The following IFT172 variants were observed in gnomAD, a reference collection of about 807,000 sequenced individuals.
IFT172 encodes the protein intraflagellar transport 172, also known as intraflagellar transport protein 172 homolog.
A neutral mutation model predicts 248.9 loss-of-function variants in IFT172; 164 were observed. That is an observed-to-expected ratio of 0.66 (90% CI 0.58 to 0.75). The LOEUF is 0.75. Ranked by LOEUF, IFT172 falls within the 30% of genes least tolerant of loss-of-function variation. The pLI is 0.00. For missense variants in IFT172, 1,950 were observed against 2,192.4 expected (o/e 0.89, Z 2.21); for synonymous variants, 729 against 791.6 (o/e 0.92, Z 1.33).
At chr2:27,453,838 C>G in intron 33 of IFT172, 99 bp from the exon 34 acceptor site, 1 of 1,372,512 alleles carries the variant, frequency 7.3e-7, no homozygotes, top group Non-Finnish European at 1.0e-6. Context: ...GTCCTTGGAC[C>G]TCTCTTCTCC....
chr2:27,447,787 C>G (rs375105942), intron 41 of IFT172, 25 bp downstream of exon 41: 4 of 1,589,918 alleles, frequency 2.5e-6, no homozygotes, highest in African/African-American at 2.7e-5. Flanking sequence ...CAAGGACAGA[C>G]GGAGCAGCCC....
rs1279331887 is a variant in IFT172 at position 27,445,972 on chromosome 2, T to C, written c.4772A>G (p.Asn1591Ser). Residue 1591 changes from asparagine to serine, a missense_variant, in exon 44 of 48, where the codon AAC (asparagine) becomes AGC (serine). Transcript: ENST00000260570. This position sits in a 1 kb window ranked among gnomAD's most constrained non-coding sequence, Gnocchi z 4.4. ...GIAAKAVGWD[N>S]MAFIFLNRFL... is the part of the protein sequence containing the mutation. ...GCGATTGAGGAAGATGAATGCCATG[T>C]TATCCCAGCCAACTGCCTGCAGCAA... 6.2e-7 allele frequency: 1 copy of C among 1,614,118 alleles called. No homozygotes were observed. The highest frequency in any genetic ancestry group is 1.3e-5 in the African/African-American group (1 of 74,940).
In IFT172 at chr2:27,447,830, T is replaced by A. The variant is rs1244568496; in HGVS notation, c.4521A>T (p.Arg1507=). 1 of 1,613,134 alleles carries A rather than the reference T, an allele frequency of 6.2e-7. No individual in the cohort carries two copies. Among genetic ancestry groups the A allele is most frequent in the Non-Finnish European group, 8.5e-7 (1 of 1,179,060 alleles). Residue 1507 remains arginine (R), a synonymous_variant, in exon 41 of 48, where the codon CGA becomes CGT. Transcript: ENST00000260570. ...TCCTCACCAGGTTGAAGAGGACATC[T>A]CGAAGATCAGCCCAGCTATGATAGG... ...AEAYHSWADL[R]DVLFNLCENL...
At chr2:27,447,431 A>C in intron 42 of IFT172, 84 bp downstream of exon 42, 1 of 1,538,396 alleles carries the variant, frequency 6.5e-7, no homozygotes, top group Non-Finnish European at 8.8e-7. Flanking sequence ...AAGCTGAAGA[A>C]TCCAGAACGT....
At position 27,449,078 on chromosome 2, in the gene IFT172, G is replaced by A. The variant is rs540851767; in HGVS notation, c.4312-47C>T. On this transcript the variant is annotated intron_variant, in intron 39 of 47. Transcript: ENST00000260570. ...GCATGAGTGAGGCTGGGATCGGCAAGACCAAGCAGTGAGGTGACTTGAGGC... is the reference window on the plus strand; with the variant it reads ...GCATGAGTGAGGCTGGGATCGGCAAAACCAAGCAGTGAGGTGACTTGAGGC... 16 of 1,214,570 alleles carry A rather than the reference G, an allele frequency of 1.3e-5. No individual in the cohort carries two copies. In the South Asian group the frequency reaches 1.8e-4, roughly 14 times the overall value. 75.2% of individuals were successfully genotyped at this position (1,214,570 alleles called of 1,614,324 possible).
At chr2:27,459,090 T>C (rs1199047156) in intron 25 of IFT172, 2 of 627,586 alleles carry the variant, frequency 3.2e-6, no homozygotes, top group African/African-American at 3.7e-5. Flanking sequence ...ATTTCTGCAA[T>C]GCAAAGCAAT....
intron 33 of IFT172, 45 bp downstream of exon 33, chr2:27,453,937 A>G (rs1436850732): frequency 2.5e-6 from 4 of 1,569,828 alleles, no homozygotes; most frequent in Non-Finnish European, 3.5e-6. Context: ...GTGGGCTCTT[A>G]CAAACTCTCC....
At position 27,445,744 on chromosome 2, in the gene IFT172, C is replaced by T. The variant is rs1436511287; in HGVS notation, c.4914+1G>A. On this transcript the variant is annotated splice_donor_variant, in intron 45 of 47. Coordinates refer to ENST00000260570, the MANE Select transcript of IFT172 (RefSeq NM_015662.3). LOFTEE classifies it high-confidence loss of function. This position sits in a 1 kb window ranked among gnomAD's most constrained non-coding sequence, Gnocchi z 4.4. ...CCGGTTTTCCAACCCTGTGCCCTTA[C>T]CGGTACATGCTGCTTAGCTGGGAGT... The T allele has an allele frequency of 1.2e-6, 2 of 1,614,066 alleles. No homozygotes were observed. Among genetic ancestry groups the T allele is most frequent in the Non-Finnish European group, 1.7e-6 (2 of 1,180,044 alleles).
At position 27,449,302 on chromosome 2, in the gene IFT172, T is replaced by C; in HGVS notation, c.4303A>G (p.Thr1435Ala). The C allele has an allele frequency of 6.2e-7, 1 of 1,614,098 alleles. No individual in the cohort carries two copies. Among genetic ancestry groups the C allele is most frequent in the Non-Finnish European group, 8.5e-7 (1 of 1,180,022 alleles). Residue 1435 changes from threonine to alanine, a missense_variant, in exon 39 of 48, where the codon ACC becomes GCC. Thr to Ala is a moderately conservative substitution (Grantham distance 58). Transcript: ENST00000260570. ...TGGGAAGAGAGCAGTACCTGCTTGG[T>C]AGCTGTTTCAATGCACTTGTCCCAC... ...GQWDKCIETA[T>A]KQNYKILHKY...
At chr2:27,447,392 G>T (rs1410047392) in intron 42 of IFT172, 123 bp downstream of exon 42, 7 of 1,393,932 alleles carry the variant, frequency 5.0e-6, no homozygotes, top group Non-Finnish European at 6.8e-6. Flanking sequence ...AAGAGAAGCT[G>T]AAAGACAGGT....
rs200010000 is a variant in IFT172, at chr2:27,476,651, A to G, written c.1401T>C (p.Thr467=). ...KKLAYLIDIK[T]IAIVDLIGGY... ...GAGAGTCTTACTCACCTATAGCAAT[A>G]GTCTTAATATCAATAAGATAAGCCA... The change falls in exon 14 of 48, where the codon ACT becomes ACC. Residue 467 remains threonine, a synonymous_variant. Transcript: ENST00000260570. 2 of 1,569,124 alleles carry G rather than the reference A, an allele frequency of 1.3e-6. No individual in the cohort carries two copies. Among genetic ancestry groups the G allele is most frequent in the African/African-American group, 2.7e-5 (2 of 74,152 alleles).
At position 27,460,897 on chromosome 2, in the gene IFT172, C is replaced by G. The variant is rs1572760623; in HGVS notation, c.2521+118G>C. 6.7e-6 allele frequency: 7 copies of G among 1,049,104 alleles called. No homozygotes were observed. In the East Asian group the frequency reaches 1.7e-4, roughly 25 times the overall value. The allele number at this position is 1,049,104 out of a possible 1,614,324, so 65.0% of individuals were successfully genotyped here. On this transcript the variant is annotated intron_variant, in intron 23 of 47. Transcript: ENST00000260570. ...CTTTTTCTTTTCCAAATCTCTCGTC[C>G]CACCTTACGAGAAACACCCACAGGT...
intron 16 of IFT172, among the ~76,000 whole-genome samples, chr2:27,466,949 C>T (rs1343599619): frequency 6.6e-6 from 1 of 151,152 alleles, no homozygotes; most frequent in Non-Finnish European, 1.5e-5. Flanking sequence ...CAGGAGTTTG[C>T]TCATGCAGTG....
Position 27,473,518 on chromosome 2 carries a change from G to A in IFT172, c.1412-1156C>T, listed in dbSNP as rs1394336146. Among the ~76,000 whole-genome samples, 4 of 151,014 alleles carry A rather than the reference G, an allele frequency of 2.6e-5. No individual in the cohort carries two copies. The East Asian group carries it at 8.1e-4, about 30-fold the overall frequency. ...GTAGAGACAGGGTTTCACCGTGTTA[G>A]CCAGGATGGTCTCAATCTCCTGACC... On this transcript the variant is annotated intron_variant, in intron 14 of 47. Transcript: ENST00000260570.
rs1276023825 is a variant in IFT172, at chr2:27,454,629, G to A, written c.3403C>T (p.Leu1135=). The change falls in exon 31 of 48, where the codon CTG becomes TTG. Residue 1135 remains leucine, a synonymous_variant. Coordinates refer to ENST00000260570, the MANE Select transcript of IFT172 (RefSeq NM_015662.3). This position sits in a 1 kb window ranked among gnomAD's most constrained non-coding sequence, Gnocchi z 4.2. ...SFEFAFELSR[L]ALKHKTPEVH... is the part of the protein sequence containing the mutation. ...TCGGGGGTTTTGTGCTTGAGGGCCA[G>A]CCGAGAGAGTTCAAACGCAAATTCA... 2 of 1,614,138 alleles carry A rather than the reference G, an allele frequency of 1.2e-6. No individual in the cohort carries two copies. The highest frequency in any genetic ancestry group is 8.5e-7 in the Non-Finnish European group (1 of 1,180,028).
rs770759155 is a variant in IFT172, at chr2:27,445,971, G to C, written c.4773C>G (p.Asn1591Lys). 6 of 1,614,244 alleles carry C rather than the reference G, an allele frequency of 3.7e-6. No individual in the cohort carries two copies. The highest frequency in any genetic ancestry group is 2.2e-5 in the East Asian group (1 of 44,892). Residue 1591 changes from asparagine (N) to lysine (K), a missense_variant, in exon 44 of 48, where the codon AAC becomes AAG. Asn to Lys is a moderately conservative substitution (Grantham distance 94, BLOSUM62 0). Coordinates refer to ENST00000260570, the MANE Select transcript of IFT172 (RefSeq NM_015662.3). This position sits in a 1 kb window ranked among gnomAD's most constrained non-coding sequence, Gnocchi z 4.4. Reference sequence around the variant, plus strand: ...AGCGATTGAGGAAGATGAATGCCATGTTATCCCAGCCAACTGCCTGCAGCA... The same window carrying C: ...AGCGATTGAGGAAGATGAATGCCATCTTATCCCAGCCAACTGCCTGCAGCA... ...GIAAKAVGWD[N>K]MAFIFLNRFL...
At chr2:27,449,858 G>A in intron 36 of IFT172, 58 bp from the exon 37 acceptor site, 1 of 1,465,508 alleles carries the variant, frequency 6.8e-7, no homozygotes, top group South Asian at 1.2e-5. Context: ...TTCCCACTGT[G>A]AGCTCTCCCA....
rs780567228 is a variant in IFT172 at position 27,476,623 on chromosome 2, T to C, written c.1411+18A>G. 1.4e-6 allele frequency: 2 copies of C among 1,388,196 alleles called. No homozygotes were observed. Among genetic ancestry groups the C allele is most frequent in the South Asian group, 1.2e-5 (1 of 84,500 alleles). 86.0% of individuals were successfully genotyped at this position (1,388,196 alleles called of 1,614,324 possible). A position where few individuals can be genotyped will look rare whatever the true frequency, so the allele number is the denominator to read the frequency against. The stretch of plus-strand genomic sequence containing the variant: ...AACATCTATTTTGTTATTAAAATTA[T>C]GAGAGAGTCTTACTCACCTATAGCA... On this transcript the variant is annotated intron_variant, in intron 14 of 47. Coordinates refer to ENST00000260570, the MANE Select transcript of IFT172 (RefSeq NM_015662.3).
Position 27,447,952 on chromosome 2 carries a change from G to A in IFT172, c.4429-30C>T, listed in dbSNP as rs771473763. The A allele has an allele frequency of 3.8e-6, 5 of 1,317,206 alleles. No homozygotes were observed. In the Admixed American group the frequency reaches 8.4e-5, roughly 22 times the overall value. 81.6% of individuals were successfully genotyped at this position (1,317,206 alleles called of 1,614,324 possible). On this transcript the variant is annotated intron_variant, in intron 40 of 47. Transcript: ENST00000260570. ...AGGTAGAGGGAAGAAGGGGATCTGA[G>A]AAGGGCATAGCTAGAAGAGAAAGTC...
Sources: allele counts gnomAD v4.1 joint callset (sites outside exome capture counted in the v4.1 genomes callset), GRCh38; gene constraint gnomAD v4.1.1; non-coding constraint Gnocchi (gnomAD v3.1); transcripts MANE v1.5; gene names NCBI Gene and HGNC (gene_info 2026-07-23, HGNC 2026-07-21).